The following ATXN10 variants were observed in gnomAD, a reference collection of about 807,000 sequenced individuals.
ATXN10 encodes ataxin-10.
Under a neutral mutation model 52.9 loss-of-function variants are expected in ATXN10, and 28 were observed. The ratio of observed to expected loss-of-function variants is 0.53; its 90% confidence interval spans 0.39 to 0.73. ATXN10 has a LOEUF of 0.73. Ranked by LOEUF, ATXN10 falls within the 30% of genes least tolerant of loss-of-function variation. The probability of loss-of-function intolerance (pLI) is 0.00; values close to 1 mark genes in which losing one functional copy is unlikely to be tolerated. For synonymous variants in ATXN10, 226 were observed against 221.5 expected, an observed-to-expected ratio of 1.02 and a Z score of -0.18; for missense variants, 565 against 577.0, an observed-to-expected ratio of 0.98 and a Z score of 0.21.
At chr22:45,807,210 G>T in intron 10 of ATXN10, 188 bp downstream of exon 10, 1 of 683,700 alleles carries the variant, frequency 1.5e-6, no homozygotes. Flanking sequence ...TTTGTAGTAT[G>T]GTAAGCTAGT....
intron 5 of ATXN10, among the ~76,000 whole-genome samples, chr22:45,703,106 G>A (rs1469982528): frequency 6.6e-6 from 1 of 152,160 alleles, no homozygotes; most frequent in Non-Finnish European, 1.5e-5. Context: ...GACATTCTTG[G>A]TGTATGAAAA....
rs1004222306 is a variant in ATXN10 at position 45,787,254 on chromosome 22, G to A, written c.1174-19705G>A. ...CAGGGTTGGGGCTTGGCTCCTGAAA[G>A]AAGGGTCAGACCCTAGAGTGTTCAG... is the stretch of plus-strand genomic sequence containing the variant. On this transcript the variant is annotated intron_variant, in intron 9 of 11. Transcript: ENST00000252934. The surrounding 1 kb of genome is among the most constrained non-coding windows in gnomAD (Gnocchi z 4.2). 2.0e-5 allele frequency among the ~76,000 whole-genome samples: 3 copies of A among 152,192 alleles called. No homozygotes were observed. Among genetic ancestry groups the A allele is most frequent in the African/African-American group, 7.2e-5 (3 of 41,446 alleles).
intron 9 of ATXN10, among the ~76,000 whole-genome samples, chr22:45,760,205 A>G (rs991516291): frequency 6.6e-5 from 10 of 152,332 alleles, no homozygotes; most frequent in African/African-American, 2.4e-4. Context: ...TCCCACCTAC[A>G]GATGACATTC....
intron 6 of ATXN10, among the ~76,000 whole-genome samples, chr22:45,726,900 T>C (rs1924893796): frequency 6.6e-6 from 1 of 152,170 alleles, no homozygotes. Flanking sequence ...CGGGCTGGTC[T>C]CAAACTTTTG....
chr22:45,831,547 T>C (rs1297460535), intron 10 of ATXN10, among the ~76,000 whole-genome samples: 4 of 152,240 alleles, frequency 2.6e-5, no homozygotes, highest in Non-Finnish European at 4.4e-5. Context: ...ATATCTGACA[T>C]TGAGTGCCTC....
In ATXN10 at chr22:45,795,401, TTCTATTCTATTCTA is replaced by T. The variant is rs1569068076; in HGVS notation, c.1174-11556_1174-11543del. Among the ~76,000 whole-genome samples the T allele has an allele frequency of 3.3e-5, 5 of 150,292 alleles. No individual in the cohort carries two copies. The highest frequency in any genetic ancestry group is 5.9e-5 in the Non-Finnish European group (4 of 67,878). On this transcript the variant is annotated intron_variant, in intron 9 of 11. Coordinates refer to ENST00000252934, the MANE Select transcript of ATXN10 (RefSeq NM_013236.4). This position sits in a 1 kb window ranked among gnomAD's most constrained non-coding sequence, Gnocchi z 4.6. ...TTCTATTCTATTCTATTCTATTCTA[TTCTATTCTATTCTA>T]TTCTATTCTTTTTGAGATGAAGTCT...
intron 10 of ATXN10, among the ~76,000 whole-genome samples, chr22:45,831,867 C>G (rs1387330088): frequency 6.6e-6 from 1 of 152,212 alleles, no homozygotes; most frequent in Non-Finnish European, 1.5e-5. Context: ...TAAGCCCACC[C>G]AGAGCCTGTG....
At chr22:45,827,777 C>A (rs1928862837) in intron 10 of ATXN10, among the ~76,000 whole-genome samples, 1 of 152,146 alleles carries the variant, frequency 6.6e-6, no homozygotes. Context: ...CAAACTAGAT[C>A]TAACAGACAT....
intron 9 of ATXN10, among the ~76,000 whole-genome samples, chr22:45,791,794 T>C (rs1309466401): frequency 6.6e-6 from 1 of 152,224 alleles, no homozygotes; most frequent in African/African-American, 2.4e-5. Context: ...ACTAGCCTTG[T>C]AAAATGAGTT....
At chr22:45,807,942 A>G (rs1928156287) in intron 10 of ATXN10, among the ~76,000 whole-genome samples, 1 of 152,234 alleles carries the variant, frequency 6.6e-6, no homozygotes, top group Non-Finnish European at 1.5e-5. Context: ...CAAGAAGAGA[A>G]AAGCAGCTGA....
In ATXN10 at chr22:45,684,219, G is replaced by T. The variant is rs1039442653; in HGVS notation, c.117-5493G>T. Among the ~76,000 whole-genome samples the T allele has an allele frequency of 6.6e-6, 1 of 151,492 alleles. No individual in the cohort carries two copies. The highest frequency in any genetic ancestry group is 2.4e-5 in the African/African-American group (1 of 41,150). ...CCTGGCTTCTGCCTCTCAAAGCACT[G>T]GAATTATAGGCATATGAACCACTGC... On this transcript the variant is annotated intron_variant, in intron 1 of 11. Coordinates refer to ENST00000252934, the MANE Select transcript of ATXN10 (RefSeq NM_013236.4). The surrounding 1 kb of genome is among the most constrained non-coding windows in gnomAD (Gnocchi z 4.1).
chr22:45,801,883 A>T (rs1927942389), intron 9 of ATXN10, among the ~76,000 whole-genome samples: 1 of 152,152 alleles, frequency 6.6e-6, no homozygotes, highest in Admixed American at 6.5e-5. Context: ...ATGCTTTCCC[A>T]TACAGTCCTC....
chr22:45,798,485 G>A (rs998463158), intron 9 of ATXN10, among the ~76,000 whole-genome samples: 1 of 152,054 alleles, frequency 6.6e-6, no homozygotes, highest in Non-Finnish European at 1.5e-5. Context: ...ACTCATTCAC[G>A]TCAAAATTTG....
chr22:45,752,797 G>A (rs937275821), intron 9 of ATXN10, among the ~76,000 whole-genome samples: 12 of 151,662 alleles, frequency 7.9e-5, no homozygotes, highest in African/African-American at 2.9e-4. Context: ...GGAGTGCAAT[G>A]GTGCGATCTC....
At chr22:45,788,569 C>T (rs1160306520) in intron 9 of ATXN10, among the ~76,000 whole-genome samples, 4 of 151,956 alleles carry the variant, frequency 2.6e-5, no homozygotes, top group Non-Finnish European at 5.9e-5. Context: ...CGCTCTTGCT[C>T]CTTCTCACAC....
Position 45,671,990 on chromosome 22 carries a change from C to G in ATXN10, c.-74C>G. The G allele has an allele frequency of 6.7e-7, 1 of 1,491,776 alleles. No individual in the cohort carries two copies. Among genetic ancestry groups the G allele is most frequent in the Middle Eastern group, 1.7e-4 (1 of 5,854 alleles). 92.4% of individuals were successfully genotyped at this position (1,491,776 alleles called of 1,614,324 possible). A position where few individuals can be genotyped will look rare whatever the true frequency, so the allele number is the denominator to read the frequency against. ...CCTCCTCGCCATCCTACTCCTCCCT[C>G]CTCGTCATCCTCCCCCTTCGTCCTC... On this transcript the variant is annotated 5_prime_UTR_variant, in exon 1 of 12. Coordinates refer to ENST00000252934, the MANE Select transcript of ATXN10 (RefSeq NM_013236.4).
Position 45,770,223 on chromosome 22 carries a change from A to T in ATXN10, c.1173+29685A>T, listed in dbSNP as rs73444650. ...TTTACAGCAAATATGATTGAAACCCATATCTATTTAAATCCCATCTTAAGC... is the reference window on the plus strand; with the variant it reads ...TTTACAGCAAATATGATTGAAACCCTTATCTATTTAAATCCCATCTTAAGC... On this transcript the variant is annotated intron_variant, in intron 9 of 11. Coordinates refer to ENST00000252934, the MANE Select transcript of ATXN10 (RefSeq NM_013236.4). The surrounding 1 kb of genome is among the most constrained non-coding windows in gnomAD (Gnocchi z 4.5). Among the ~76,000 whole-genome samples, 1 of 152,224 alleles carries T rather than the reference A, an allele frequency of 6.6e-6. No homozygotes were observed. Among genetic ancestry groups the T allele is most frequent in the Non-Finnish European group, 1.5e-5 (1 of 68,034 alleles).
chr22:45,679,205 T>C (rs1312067052), intron 1 of ATXN10: 1 of 152,240 alleles, frequency 6.6e-6, no homozygotes, highest in East Asian at 1.9e-4. Flanking sequence ...AGGACTCTTA[T>C]TTACCTCTGT....
rs1242965854 is a variant in ATXN10 at position 45,712,477 on chromosome 22, A to C, written c.648-5936A>C. ...GAGAAGCAGAATACCTTGATACTGA[A>C]GGGTAGACAGCGTAGCCAGTGTCAC... On this transcript the variant is annotated intron_variant, in intron 5 of 11. Coordinates refer to ENST00000252934, the MANE Select transcript of ATXN10 (RefSeq NM_013236.4). This position sits in a 1 kb window ranked among gnomAD's most constrained non-coding sequence, Gnocchi z 4.6. 6.6e-6 allele frequency among the ~76,000 whole-genome samples: 1 copy of C among 152,214 alleles called. No homozygotes were observed. The highest frequency in any genetic ancestry group is 1.5e-5 in the Non-Finnish European group (1 of 68,044).
Sources: allele counts gnomAD v4.1 joint callset (sites outside exome capture counted in the v4.1 genomes callset), GRCh38; gene constraint gnomAD v4.1.1; non-coding constraint Gnocchi (gnomAD v3.1); transcripts MANE v1.5; gene names NCBI Gene and HGNC (gene_info 2026-07-23, HGNC 2026-07-21).